Variants in SLCO1C1 observed in about 807,000 individuals in gnomAD.
SLCO1C1 encodes OAT-RP-5.
Under a neutral mutation model 76.4 loss-of-function variants are expected in SLCO1C1, and 70 were observed. The observed-to-expected ratio is 0.92, with a 90% CI of 0.76 to 1.12. The LOEUF is 1.12. Among genes scored for constraint, SLCO1C1 ranks in the 50% most tolerant of loss-of-function variants. SLCO1C1 has a pLI of 0.00. For synonymous variants in SLCO1C1, 306 were observed against 286.1 expected (o/e 1.07, Z -0.70); for missense variants, 912 against 823.8 (o/e 1.11, Z -1.31).
In SLCO1C1 at chr12:20,706,053, A is replaced by G; in HGVS notation, c.376A>G (p.Ile126Val). 1 of 1,613,044 alleles carries G rather than the reference A, an allele frequency of 6.2e-7. No homozygotes were observed. The highest frequency in any genetic ancestry group is 1.7e-5 in the Admixed American group (1 of 59,956). Residue 126 changes from isoleucine (I) to valine (V), a missense_variant, in exon 4 of 15, where the codon ATT becomes GTT. Physicochemically the swap from Ile to Val is conservative, Grantham distance 29. Transcript: ENST00000266509. Reference protein sequence around the residue: ...CVIMGVGTLLIAMPQFFMEQY... With the variant: ...CVIMGVGTLLVAMPQFFMEQY... Reference sequence around the variant, plus strand: ...AATCATGGGAGTTGGAACACTGCTCATTGCAATGCCTCAGTTCTTCATGGA... The same window carrying G: ...AATCATGGGAGTTGGAACACTGCTCGTTGCAATGCCTCAGTTCTTCATGGA...
chr12:20,732,833 C>T (rs1222824619), intron 9 of SLCO1C1, 76 bp from the exon 10 acceptor site: 1 of 1,465,606 alleles, frequency 6.8e-7, no homozygotes, highest in Non-Finnish European at 9.3e-7. Flanking sequence ...ACAAAATAGT[C>T]TTTAGAAAGT....
intron 10 of SLCO1C1, among the ~76,000 whole-genome samples, chr12:20,733,391 G>A (rs1006760774): frequency 2.0e-5 from 3 of 152,152 alleles, no homozygotes; most frequent in East Asian, 1.9e-4. Context: ...TACAAACCTT[G>A]AATAATGCCT....
intron 4 of SLCO1C1, 149 bp downstream of exon 4, chr12:20,706,230 C>T (rs569065220): frequency 3.9e-6 from 4 of 1,037,690 alleles, no homozygotes; most frequent in African/African-American, 1.6e-5. Flanking sequence ...AATTTCACAA[C>T]AATTTTATAA....
At chr12:20,713,096 T>TC (rs1947198452) in intron 5 of SLCO1C1, among the ~76,000 whole-genome samples, 1 of 151,296 alleles carries the variant, frequency 6.6e-6, no homozygotes, top group African/African-American at 2.4e-5. Flanking sequence ...TTTTTTTTTT[T>TC]TGAGACGGAG....
intron 3 of SLCO1C1, among the ~76,000 whole-genome samples, 155 bp from the exon 4 acceptor site, chr12:20,705,794 G>C (rs763883716): frequency 2.0e-5 from 3 of 151,938 alleles, no homozygotes; most frequent in Admixed American, 6.6e-5. Context: ...AGAATTTCAA[G>C]GGTCATCTCA....
intron 1 of SLCO1C1, among the ~76,000 whole-genome samples, chr12:20,699,210 C>T (rs969539726): frequency 2.0e-5 from 3 of 151,916 alleles, no homozygotes; most frequent in Non-Finnish European, 4.4e-5. Flanking sequence ...CCTCTTCTTC[C>T]TTTCCTGCTT....
intron 13 of SLCO1C1, 125 bp from the exon 14 acceptor site, chr12:20,750,550 C>A: frequency 1.2e-6 from 1 of 805,808 alleles, no homozygotes; most frequent in Non-Finnish European, 2.1e-6. Flanking sequence ...GAGATTTCAG[C>A]ATGTAATTGA....
chr12:20,712,877 A>C (rs1478097747), intron 5 of SLCO1C1, among the ~76,000 whole-genome samples: 1 of 152,230 alleles, frequency 6.6e-6, no homozygotes, highest in Non-Finnish European at 1.5e-5. Flanking sequence ...GAAGGAACTC[A>C]TTCTAGACAA....
chr12:20,743,266 A>C (rs772254537), intron 12 of SLCO1C1, 39 bp from the exon 13 acceptor site: 3 of 1,576,466 alleles, frequency 1.9e-6, no homozygotes, highest in Non-Finnish European at 2.6e-6. Context: ...GCTTTAATGG[A>C]TTATATATTT....
Position 20,737,157 on chromosome 12 carries a change from C to T in SLCO1C1, c.1433C>T (p.Ser478Leu), listed in dbSNP as rs752848479. 4.5e-6 allele frequency: 7 copies of T among 1,559,210 alleles called. No individual in the cohort carries two copies. In the South Asian group the frequency reaches 8.6e-5, roughly 19 times the overall value. ...HERALFSDCN[S>L]RCKCSETKWE... ...CGAGCTCTCTTTTCAGATTGCAACTCAAGATGCAAATGTTCAGAGACAAAA... is the reference window on the plus strand; with the variant it reads ...CGAGCTCTCTTTTCAGATTGCAACTTAAGATGCAAATGTTCAGAGACAAAA... Residue 478 changes from serine (S) to leucine (L), a missense_variant, in exon 11 of 15, where the codon TCA becomes TTA. Ser to Leu is a moderately radical substitution (Grantham distance 145). Transcript: ENST00000266509.
chr12:20,701,485 A>C (rs765198097), intron 3 of SLCO1C1, 26 bp downstream of exon 3: 37 of 1,431,672 alleles, frequency 2.6e-5, no homozygotes, highest in Non-Finnish European at 2.8e-5. Flanking sequence ...GCCTGACTTT[A>C]ATTTTAAGCC....
intron 9 of SLCO1C1, among the ~76,000 whole-genome samples, chr12:20,728,788 A>C (rs960174135): frequency 6.6e-6 from 1 of 152,042 alleles, no homozygotes; most frequent in African/African-American, 2.4e-5. Context: ...CATTTTACAC[A>C]TCCTTCATAA....
intron 7 of SLCO1C1, 137 bp from the exon 8 acceptor site, chr12:20,721,667 A>T (rs554183772): frequency 0.057 from 53,174 of 928,678 alleles, 1,572 homozygotes; most frequent in Middle Eastern, 0.097. Context: ...GATCCAGATA[A>T]AAAAAAAAAT....
At position 20,717,150 on chromosome 12, in the gene SLCO1C1, C is replaced by T; in HGVS notation, c.695C>T (p.Ala232Val). ...AFYIGCVQTV[A>V]IIGPIFGFLL... is the part of the protein sequence containing the mutation. ...GGTGCAGGGTGTGTGCAGACGGTTGCAATTATAGGACCAATCTTTGGTTTC... is the reference window on the plus strand; with the variant it reads ...GGTGCAGGGTGTGTGCAGACGGTTGTAATTATAGGACCAATCTTTGGTTTC... The change falls in exon 7 of 15, where the codon GCA (alanine) becomes GTA (valine). Residue 232 changes from alanine to valine, a missense_variant. By Grantham distance (64) the Ala-to-Val change is moderately conservative. Coordinates refer to ENST00000266509, the MANE Select transcript of SLCO1C1 (RefSeq NM_017435.5). 2 of 1,601,066 alleles carry T rather than the reference C, an allele frequency of 1.2e-6. No individual in the cohort carries two copies. Among genetic ancestry groups the T allele is most frequent in the Non-Finnish European group, 1.7e-6 (2 of 1,175,614 alleles).
chr12:20,737,174 G>C lies in SLCO1C1; in HGVS notation c.1450G>C (p.Glu484Gln). The change falls in exon 11 of 15, where the codon GAG (glutamate) becomes CAG (glutamine). Residue 484 changes from glutamate (E) to glutamine (Q), a missense_variant. By Grantham distance (29) the Glu-to-Gln change is conservative (BLOSUM62 2). Coordinates refer to ENST00000266509, the MANE Select transcript of SLCO1C1 (RefSeq NM_017435.5). ...SDCNSRCKCS[E>Q]TKWEPMCGEN... Reference sequence around the variant, plus strand: ...TTGCAACTCAAGATGCAAATGTTCAGAGACAAAATGGGAACCCATGTGCGG... The same window carrying C: ...TTGCAACTCAAGATGCAAATGTTCACAGACAAAATGGGAACCCATGTGCGG... 4.5e-6 allele frequency: 7 copies of C among 1,565,902 alleles called. No individual in the cohort carries two copies. The highest frequency in any genetic ancestry group is 6.0e-6 in the Non-Finnish European group (7 of 1,162,446).
At chr12:20,708,126 T>C (rs192366800) in intron 4 of SLCO1C1, among the ~76,000 whole-genome samples, 15 of 152,294 alleles carry the variant, frequency 9.8e-5, no homozygotes, top group African/African-American at 3.6e-4. Context: ...TGGGTACTTA[T>C]CCAAAATATG....
At chr12:20,718,467 A>AT (rs1385486328) in intron 7 of SLCO1C1, among the ~76,000 whole-genome samples, 13 of 152,228 alleles carry the variant, frequency 8.5e-5, no homozygotes, top group Non-Finnish European at 1.8e-4. Context: ...TTTATGACGA[A>AT]TAAGATAACT....
chr12:20,717,136 T>C lies in SLCO1C1; in HGVS notation c.681T>C (p.Cys227=). The C allele has an allele frequency of 6.2e-7, 1 of 1,600,692 alleles. No homozygotes were observed. Among genetic ancestry groups the C allele is most frequent in the Non-Finnish European group, 8.5e-7 (1 of 1,175,438 alleles). Residue 227 remains cysteine, a synonymous_variant, in exon 7 of 15, where the codon TGT becomes TGC. Coordinates refer to ENST00000266509, the MANE Select transcript of SLCO1C1 (RefSeq NM_017435.5). The part of the protein sequence containing the change: ...SEDNAAFYIG[C]VQTVAIIGPI... The stretch of plus-strand genomic sequence containing the variant: ...CCTTTTCTTTTCTTGGTGCAGGGTG[T>C]GTGCAGACGGTTGCAATTATAGGAC...
chr12:20,699,774 A>C, intron 2 of SLCO1C1, 69 bp downstream of exon 2: 1 of 1,448,520 alleles, frequency 6.9e-7, no homozygotes, highest in Non-Finnish European at 9.2e-7. Flanking sequence ...CTATATAATG[A>C]AGTTAGAATG....
Sources: allele counts gnomAD v4.1 joint callset (sites outside exome capture counted in the v4.1 genomes callset), GRCh38; gene constraint gnomAD v4.1.1; transcripts MANE v1.5; gene names NCBI Gene and HGNC (gene_info 2026-07-23, HGNC 2026-07-21).